The following NFIA variants were observed in gnomAD, a reference collection of about 807,000 sequenced individuals.
NFIA encodes nuclear factor I A, also known as nuclear factor 1 A-type.
Under a neutral mutation model 62.8 loss-of-function variants are expected in NFIA, and 8 were observed. That is an observed-to-expected ratio of 0.13 (90% CI 0.07 to 0.23). NFIA has a LOEUF of 0.23. NFIA is among the 10% of genes least tolerant of loss of function. The pLI is 1.00. For synonymous variants in NFIA, 235 were observed against 238.1 expected, an observed-to-expected ratio of 0.99 and a Z score of 0.12; for missense variants, 410 against 642.1, an observed-to-expected ratio of 0.64 and a Z score of 3.91.
At chr1:61,306,171 A>G (rs1170915766) in intron 3 of NFIA, among the ~76,000 whole-genome samples, 1 of 147,372 alleles carries the variant, frequency 6.8e-6, no homozygotes, top group African/African-American at 2.5e-5. Flanking sequence ...GTTTTCGGAG[A>G]CTTGTACTCA....
In NFIA at chr1:61,460,735, C is replaced by T. The variant is rs1172040208; in HGVS notation, c.*5415C>T. 6.6e-6 allele frequency: 1 copy of T among 152,174 alleles called. No homozygotes were observed. The highest frequency in any genetic ancestry group is 1.5e-5 in the Non-Finnish European group (1 of 68,026). 9.4% of individuals were successfully genotyped at this position (152,174 alleles called of 1,614,324 possible). ...CTTCTGAAGTAAGATTTTTCTACAC[C>T]GGTAGCCTTCGCTGTCTGTCAGTCA... On this transcript the variant is annotated 3_prime_UTR_variant, in exon 11 of 11. Coordinates refer to ENST00000403491, the MANE Select transcript of NFIA (RefSeq NM_001134673.4).
chr1:61,079,335 A>T (rs1646068621), upstream of NFIA, among the ~76,000 whole-genome samples: 2 of 152,194 alleles, frequency 1.3e-5, no homozygotes, highest in African/African-American at 4.8e-5. Context: ...TATTAATAAG[A>T]TCTCCCTATT....
chr1:61,352,142 GA>G (rs1662576935), intron 4 of NFIA, among the ~76,000 whole-genome samples: 1 of 152,182 alleles, frequency 6.6e-6, no homozygotes, highest in African/African-American at 2.4e-5. Context: ...GGTCATTCCA[GA>G]AAAGTGTAAG....
At chr1:61,154,634 A>G (rs1466132497) in intron 2 of NFIA, among the ~76,000 whole-genome samples, 1 of 152,064 alleles carries the variant, frequency 6.6e-6, no homozygotes, top group African/African-American at 2.4e-5. Flanking sequence ...TGTATTTTTA[A>G]TAGAGATGGG....
chr1:61,451,899 A>C (rs772784350), intron 10 of NFIA, among the ~76,000 whole-genome samples: 63 of 152,196 alleles, frequency 4.1e-4, no homozygotes, highest in Admixed American at 1.1e-3. Flanking sequence ...GTCTGAGGAT[A>C]GTTTTTGTTT....
intron 9 of NFIA, among the ~76,000 whole-genome samples, chr1:61,415,847 A>G (rs1666324932): frequency 6.6e-6 from 1 of 152,194 alleles, no homozygotes. Flanking sequence ...AGCCGTGCAT[A>G]CATGGCTAGG....
At chr1:61,139,878 CA>C (rs35520094) in intron 2 of NFIA, among the ~76,000 whole-genome samples, 10,130 of 74,264 alleles carry the variant, frequency 0.14, 236 homozygotes, top group Non-Finnish European at 0.15. Flanking sequence ...GGGAATTTAC[CA>C]AAAAAAAAAA....
At chr1:61,263,209 G>A (rs964265251) in intron 2 of NFIA, among the ~76,000 whole-genome samples, 1 of 152,142 alleles carries the variant, frequency 6.6e-6, no homozygotes, top group African/African-American at 2.4e-5. Flanking sequence ...AGTTTCCAAA[G>A]GAAATGTCTG....
At chr1:61,256,644 T>C (rs548327578) in intron 2 of NFIA, among the ~76,000 whole-genome samples, 23 of 152,270 alleles carry the variant, frequency 1.5e-4, no homozygotes, top group Admixed American at 5.2e-4. Context: ...CTATTTGTTA[T>C]GTTTTGGTCA....
chr1:61,349,606 C>T (rs1662438565), intron 4 of NFIA, among the ~76,000 whole-genome samples: 1 of 152,072 alleles, frequency 6.6e-6, no homozygotes, highest in South Asian at 2.1e-4. Flanking sequence ...TGGGTTCTCA[C>T]TCCATTGCCC....
At chr1:61,251,144 C>G (rs1236152368) in intron 2 of NFIA, 1 of 152,194 alleles carries the variant, frequency 6.6e-6, no homozygotes, top group Non-Finnish European at 1.5e-5. Flanking sequence ...GCTCACTTTT[C>G]TTTTGCATAT....
Position 61,093,304 on chromosome 1 carries a change from AGT to A in NFIA, c.559+4629_559+4630del, listed in dbSNP as rs150511065. Among the ~76,000 whole-genome samples, 685 of 152,172 alleles carry A rather than the reference AGT, an allele frequency of 4.5e-3. 7 individuals are homozygous for A. The highest frequency in any genetic ancestry group is 0.015 in the African/African-American group (639 of 41,520). ...TCCTGTGATTTGTAATTATTAATAA[AGT>A]GTGTTTGGAAAAAGAATATACACTG... On this transcript the variant is annotated intron_variant, in intron 2 of 10. Coordinates refer to ENST00000403491, the MANE Select transcript of NFIA (RefSeq NM_001134673.4).
At chr1:61,181,640 G>T (rs1650768876) in intron 2 of NFIA, among the ~76,000 whole-genome samples, 1 of 151,986 alleles carries the variant, frequency 6.6e-6, no homozygotes, top group African/African-American at 2.4e-5. Flanking sequence ...GTTACCCCTG[G>T]TTTTCTACAT....
chr1:61,244,778 C>T (rs1557658562), intron 2 of NFIA, among the ~76,000 whole-genome samples: 1 of 152,190 alleles, frequency 6.6e-6, no homozygotes, highest in Non-Finnish European at 1.5e-5. Flanking sequence ...GTATCATCCT[C>T]CTCCTTTTAA....
intron 2 of NFIA, among the ~76,000 whole-genome samples, chr1:61,195,400 C>T (rs187413145): frequency 2.6e-5 from 4 of 152,174 alleles, no homozygotes; most frequent in African/African-American, 7.2e-5. Flanking sequence ...TTCACCTAAA[C>T]CTTAATTTTG....
intron 4 of NFIA, among the ~76,000 whole-genome samples, chr1:61,341,059 T>TC (rs1491378158): frequency 1.5e-5 from 2 of 135,554 alleles, no homozygotes; most frequent in East Asian, 4.1e-4. Context: ...GTACCGGCAT[T>TC]CTTTTTTTTT....
intron 2 of NFIA, among the ~76,000 whole-genome samples, chr1:61,197,474 C>T (rs988189603): frequency 4.0e-5 from 6 of 150,948 alleles, no homozygotes; most frequent in Non-Finnish European, 5.9e-5. Flanking sequence ...CCTGACCTTG[C>T]GATCCACTTA....
chr1:61,200,040 A>ATATATATG (rs1652346109), intron 2 of NFIA, among the ~76,000 whole-genome samples: 1 of 47,152 alleles, frequency 2.1e-5, no homozygotes, highest in African/African-American at 1.3e-4. Context: ...ATATATATAT[A>ATATATATG]TATATATATA....
chr1:61,280,393 C>T (rs901009664), intron 3 of NFIA, among the ~76,000 whole-genome samples: 1 of 152,150 alleles, frequency 6.6e-6, no homozygotes, highest in Non-Finnish European at 1.5e-5. Flanking sequence ...GAAGAAGTAA[C>T]AGACTTGATT....
Sources: gnomAD v4.1 joint callset for allele counts (sites outside exome capture counted in the v4.1 genomes callset) on GRCh38, gnomAD v4.1.1 for gene constraint, MANE v1.5 for transcripts, NCBI Gene and HGNC (gene_info 2026-07-23, HGNC 2026-07-21) for gene names.